The following PCNT variants were observed in gnomAD, a reference collection of about 807,000 sequenced individuals.
The protein encoded by PCNT is kendrin.
In PCNT, 319 loss-of-function variants were observed where a neutral mutation model predicts 380.4. The observed-to-expected ratio is 0.84, with a 90% confidence interval of 0.77 to 0.92. The LOEUF is 0.92. PCNT is among the 40% of genes least tolerant of loss of function. The pLI is 0.00. For missense variants in PCNT, 4,400 were observed against 4,255.3 expected (o/e 1.03, Z -0.95); for synonymous variants, 1,845 against 1,735.2 (o/e 1.06, Z -1.57).
chr21:46,379,080 T>A (rs1275765819), intron 15 of PCNT, among the ~76,000 whole-genome samples: 1 of 152,274 alleles, frequency 6.6e-6, no homozygotes, highest in African/African-American at 2.4e-5. Context: ...AGGACAGGTC[T>A]GCTAGTGATG....
intron 33 of PCNT, 112 bp downstream of exon 33, chr21:46,426,083 T>TTA: frequency 9.3e-7 from 1 of 1,076,842 alleles, no homozygotes; most frequent in Non-Finnish European, 1.3e-6. Flanking sequence ...TTTTTTTTTT[T>TTA]TTTTTTTTTT....
Position 46,430,241 on chromosome 21 carries a change from G to T in PCNT, c.7913+9G>T, listed in dbSNP as rs1023160. 6.2e-7 allele frequency: 1 copy of T among 1,609,000 alleles called. No individual in the cohort carries two copies. The highest frequency in any genetic ancestry group is 1.1e-5 in the South Asian group (1 of 90,890). ...GAGGTCCTCCAGCTGAGGTGCGCCTGATCCCCCTTCCTGGGACACTGGCGG... is the reference window on the plus strand; with the variant it reads ...GAGGTCCTCCAGCTGAGGTGCGCCTTATCCCCCTTCCTGGGACACTGGCGG... On this transcript the variant is annotated intron_variant, in intron 36 of 46. Coordinates refer to ENST00000359568, the MANE Select transcript of PCNT (RefSeq NM_006031.6).
rs377228581 is a variant in PCNT, at chr21:46,427,839, T to C, written c.7494+44T>C. On this transcript the variant is annotated intron_variant, in intron 34 of 46. Coordinates refer to ENST00000359568, the MANE Select transcript of PCNT (RefSeq NM_006031.6). ...ACCAGGCCTCAGTTTGCCCCAGGGG[T>C]CCAGCCCTGGCAGAGAGGGTGACAC... 8.1e-6 allele frequency: 13 copies of C among 1,602,368 alleles called. No individual in the cohort carries two copies. In the African/African-American group the frequency reaches 1.7e-4, roughly 21 times the overall value.
chr21:46,408,800 G>A (rs2086695181), intron 27 of PCNT, among the ~76,000 whole-genome samples: 1 of 146,566 alleles, frequency 6.8e-6, no homozygotes, highest in African/African-American at 2.5e-5. Flanking sequence ...TCAGCTCACT[G>A]CAACCTCCAC....
In PCNT at chr21:46,399,660, C is replaced by T. The variant is rs915028258; in HGVS notation, c.4655C>T (p.Ser1552Leu). ...EFNELAIQKE[S>L]ADRQVLMQEE... is the part of the protein sequence containing the mutation. ...AATGAATTGGCTATACAGAAAGAGT[C>T]GGCAGATAGACAAGTGTTAATGCAG... Residue 1552 changes from serine (S) to leucine (L), a missense_variant, in exon 25 of 47, where the codon TCG becomes TTG. By Grantham distance (145) the Ser-to-Leu change is moderately radical. Coordinates refer to ENST00000359568, the MANE Select transcript of PCNT (RefSeq NM_006031.6). 14 of 1,613,290 alleles carry T rather than the reference C, an allele frequency of 8.7e-6. No homozygotes were observed. Among genetic ancestry groups the T allele is most frequent in the Middle Eastern group, 1.6e-4 (1 of 6,080 alleles).
intron 45 of PCNT, 28 bp from the exon 46 acceptor site, chr21:46,444,666 T>G: frequency 4.4e-6 from 7 of 1,576,762 alleles, no homozygotes; most frequent in Non-Finnish European, 6.0e-6. Flanking sequence ...TTTTTTTTTC[T>G]TCTCTTGGTG....
At chr21:46,325,061 C>T (rs1234818170) in intron 1 of PCNT, 2 of 985,414 alleles carry the variant, frequency 2.0e-6, no homozygotes, top group African/African-American at 1.7e-5. Flanking sequence ...TCTCCCGCCC[C>T]GGGTTTCTCC....
chr21:46,444,895 G>A, intron 46 of PCNT, 74 bp downstream of exon 46: 1 of 1,440,106 alleles, frequency 6.9e-7, no homozygotes, highest in Non-Finnish European at 9.8e-7. Context: ...TCTGTTGAAA[G>A]ATGGCTGGTA....
chr21:46,354,159 C>G, intron 11 of PCNT, 91 bp downstream of exon 11: 1 of 1,147,702 alleles, frequency 8.7e-7, no homozygotes, highest in Non-Finnish European at 1.3e-6. Context: ...GTGTTTCCGT[C>G]CTTCCCACCT....
intron 40 of PCNT, 143 bp from the exon 41 acceptor site, chr21:46,438,021 A>G (rs1384499795): frequency 2.5e-5 from 18 of 723,512 alleles, no homozygotes; most frequent in Non-Finnish European, 3.6e-5. Flanking sequence ...GACTTTTACA[A>G]TTTTCTGCCA....
intron 33 of PCNT, among the ~76,000 whole-genome samples, chr21:46,426,364 A>AG (rs1472395684): frequency 6.6e-6 from 1 of 152,032 alleles, no homozygotes; most frequent in Non-Finnish European, 1.5e-5. Flanking sequence ...AAAAAGACTG[A>AG]GGTCCAAGAA....
rs552768332 is a variant in PCNT at position 46,397,425 on chromosome 21, C to T, written c.4377C>T (p.Ala1459=). 2.3e-5 allele frequency: 37 copies of T among 1,614,180 alleles called. No individual in the cohort carries two copies. Among genetic ancestry groups the T allele is most frequent in the African/African-American group, 9.3e-5 (7 of 75,054 alleles). ...GCGGGTGTGCCAAGCAGGCGGAGGC[C>T]GTCACTGCCCTGGAACAGCAGGTGG... is the stretch of plus-strand genomic sequence containing the variant. ...QHRGCAKQAE[A]VTALEQQVAS... The change falls in exon 22 of 47, where the codon GCC becomes GCT. Residue 1459 remains alanine (A), a synonymous_variant. Transcript: ENST00000359568.
At chr21:46,371,273 C>T (rs1601869196) in intron 15 of PCNT, among the ~76,000 whole-genome samples, 1 of 149,102 alleles carries the variant, frequency 6.7e-6, no homozygotes, top group African/African-American at 2.5e-5. Context: ...TGCAGTGTCA[C>T]GATCCTGGCT....
At chr21:46,419,852 C>CGA in intron 31 of PCNT, among the ~76,000 whole-genome samples, 1 of 152,306 alleles carries the variant, frequency 6.6e-6, no homozygotes, top group South Asian at 2.1e-4. Flanking sequence ...GTCATCCTCC[C>CGA]ACCTTAGCCT....
rs767150246 is a variant in PCNT, at chr21:46,443,928, CT to C, written c.9820del (p.Ser3274ProfsTer16). 2.0e-5 allele frequency: 33 copies of C among 1,612,270 alleles called. No homozygotes were observed. In the South Asian group the frequency reaches 2.5e-4, roughly 12 times the overall value. On this transcript the variant is annotated frameshift_variant, in exon 45 of 47. Transcript: ENST00000359568. LOFTEE classifies it high-confidence loss of function. ...ARGRRLAAAA[S>X]PHSGGRATPS... ...GAGGCCGCAGACTGGCAGCAGCAGC[CT>C]CCCCACACAGTGGGGGAAGGTCAGT...
intron 15 of PCNT, among the ~76,000 whole-genome samples, chr21:46,367,464 T>C (rs533254861): frequency 2.0e-5 from 3 of 152,206 alleles, no homozygotes; most frequent in African/African-American, 4.8e-5. Flanking sequence ...CCTGCCACCA[T>C]GCGCGGCTAA....
In PCNT at chr21:46,346,139, A is replaced by G. The variant is rs1250703884; in HGVS notation, c.651A>G (p.Gln217=). 3 of 1,614,194 alleles carry G rather than the reference A, an allele frequency of 1.9e-6. No homozygotes were observed. Among genetic ancestry groups the G allele is most frequent in the East Asian group, 2.2e-5 (1 of 44,886 alleles). Residue 217 remains glutamine, a synonymous_variant, in exon 4 of 47, where the codon CAA becomes CAG. Transcript: ENST00000359568. ...QRGMFTKECE[Q]ECELAITDLE... is the part of the protein sequence containing the mutation. The stretch of plus-strand genomic sequence containing the variant: ...CCTTTTTTCCCCAGGAGTGTGAACA[A>G]GAATGTGAACTTGCCATTACTGACC...
intron 30 of PCNT, 54 bp from the exon 31 acceptor site, chr21:46,418,150 G>A: frequency 1.8e-6 from 2 of 1,122,962 alleles, no homozygotes; most frequent in Non-Finnish European, 2.7e-6. Context: ...GGCAAAGTCA[G>A]CGCTATGATG....
At chr21:46,335,056 A>G (rs2083688908) in intron 3 of PCNT, among the ~76,000 whole-genome samples, 1 of 152,208 alleles carries the variant, frequency 6.6e-6, no homozygotes, top group East Asian at 1.9e-4. Flanking sequence ...CCCATGGGAC[A>G]TTGAAGAGAA....
Sources: gnomAD v4.1 joint callset for allele counts (sites outside exome capture counted in the v4.1 genomes callset) on GRCh38, gnomAD v4.1.1 for gene constraint, MANE v1.5 for transcripts, NCBI Gene and HGNC (gene_info 2026-07-23, HGNC 2026-07-21) for gene names.